Variants in DDR2 observed in about 807,000 individuals in gnomAD.
DDR2 encodes discoidin domain-containing receptor 2.
Under a neutral mutation model 94.9 loss-of-function variants are expected in DDR2, and 27 were observed. The ratio of observed to expected loss-of-function variants is 0.28; its 90% CI spans 0.21 to 0.39. The LOEUF (loss-of-function observed/expected upper bound fraction) is 0.39, where lower values mean the gene tolerates loss of function less well. Among genes scored for constraint, DDR2 ranks in the 10% least tolerant of loss-of-function variants. The pLI is 1.00. For synonymous variants in DDR2, 382 were observed against 377.2 expected (o/e 1.01, Z -0.15); for missense variants, 783 against 1,076.0 (o/e 0.73, Z 3.81).
At chr1:162,680,473 A>G (rs1400039635) in intron 2 of DDR2, among the ~76,000 whole-genome samples, 1 of 152,196 alleles carries the variant, frequency 6.6e-6, no homozygotes, top group East Asian at 1.9e-4. Flanking sequence ...TGGGCTCTCT[A>G]TTCAATTACA....
chr1:162,656,847 TTTATTTTTTTTG>T (rs1368479937), intron 2 of DDR2, among the ~76,000 whole-genome samples: 23 of 123,792 alleles, frequency 1.9e-4, no homozygotes, highest in African/African-American at 2.5e-4. Flanking sequence ...TTTTTTTTTT[TTTATTTTTTTTG>T]TTAACAGGGT....
Position 162,663,656 on chromosome 1 carries a change from C to T in DDR2, c.-28+8282C>T, listed in dbSNP as rs79994329. ...AGCAGGTGGGCGGTGAAGGAGGCTG[C>T]GGCAGAACCATGCCAAGCAGAATGG... On this transcript the variant is annotated intron_variant, in intron 2 of 17. Coordinates refer to ENST00000367921, the MANE Select transcript of DDR2 (RefSeq NM_006182.4). 3.7e-3 allele frequency among the ~76,000 whole-genome samples: 569 copies of T among 152,130 alleles called. 1 individual carries two copies. The highest frequency in any genetic ancestry group is 0.013 in the African/African-American group (526 of 41,496).
intron 3 of DDR2, among the ~76,000 whole-genome samples, chr1:162,739,550 G>A (rs1031174388): frequency 1.4e-4 from 21 of 152,090 alleles, no homozygotes; most frequent in African/African-American, 4.3e-4. Context: ...CAAGTGATCC[G>A]CCCACCTGGG....
chr1:162,733,382 G>A (rs1662151978), intron 3 of DDR2, among the ~76,000 whole-genome samples: 1 of 152,190 alleles, frequency 6.6e-6, no homozygotes, highest in African/African-American at 2.4e-5. Context: ...GAAGTGCCAC[G>A]TTGGTTGCCC....
chr1:162,751,917 G>A (rs1326996431), intron 3 of DDR2, among the ~76,000 whole-genome samples: 3 of 152,176 alleles, frequency 2.0e-5, no homozygotes, highest in Non-Finnish European at 4.4e-5. Context: ...AGCACCGCAT[G>A]TTCTCACTCA....
chr1:162,679,787 G>C (rs1659314694), intron 2 of DDR2, among the ~76,000 whole-genome samples: 1 of 151,606 alleles, frequency 6.6e-6, no homozygotes, highest in Admixed American at 6.6e-5. Flanking sequence ...TTTCAACCTT[G>C]CCAACATCTG....
At chr1:162,697,917 T>G (rs1175475439) in intron 2 of DDR2, among the ~76,000 whole-genome samples, 1 of 152,202 alleles carries the variant, frequency 6.6e-6, no homozygotes, top group East Asian at 1.9e-4. Context: ...GCTATACTGC[T>G]TGTTAGGGTT....
At chr1:162,683,293 C>G (rs1659502798) in intron 2 of DDR2, among the ~76,000 whole-genome samples, 1 of 152,074 alleles carries the variant, frequency 6.6e-6, no homozygotes, top group Non-Finnish European at 1.5e-5. Flanking sequence ...CTGCTCCTGC[C>G]ACTCCTATTC....
At chr1:162,719,515 G>T (rs1457548341) in intron 3 of DDR2, among the ~76,000 whole-genome samples, 1 of 152,020 alleles carries the variant, frequency 6.6e-6, no homozygotes. Flanking sequence ...GTTGTTTTGG[G>T]CTGTCTTAGA....
chr1:162,784,681 TTGTTGAGTTGC>T lies in DDR2; in HGVS notation c.*4439_*4449del, dbSNP rs1305271149. ...CTTGGTGCCAAAGAGCAGTGGGGAA[TTGTTGAGTTGC>T]TGTATCCTTTAAAAAAAAACAAAAA... is the stretch of plus-strand genomic sequence containing the variant. On this transcript the variant is annotated 3_prime_UTR_variant, in exon 18 of 18. Transcript: ENST00000367921. 6.6e-6 allele frequency: 1 copy of T among 152,150 alleles called. No homozygotes were observed. The highest frequency in any genetic ancestry group is 1.9e-4 in the East Asian group (1 of 5,196). The allele number at this position is 152,150 out of a possible 1,614,324, so 9.4% of individuals were successfully genotyped here.
At chr1:162,646,219 A>T (rs768339158) in intron 1 of DDR2, among the ~76,000 whole-genome samples, 1 of 152,202 alleles carries the variant, frequency 6.6e-6, no homozygotes, top group Non-Finnish European at 1.5e-5. Flanking sequence ...AAGACAGAAA[A>T]TTTTTTAAAT....
intron 3 of DDR2, among the ~76,000 whole-genome samples, chr1:162,739,622 G>C (rs113389753): frequency 0.02 from 3,033 of 152,138 alleles, 83 homozygotes; most frequent in African/African-American, 0.059. Flanking sequence ...TTTCTTTATC[G>C]AATCCACTAT....
At chr1:162,739,822 T>G (rs1051267237) in intron 3 of DDR2, among the ~76,000 whole-genome samples, 2 of 152,196 alleles carry the variant, frequency 1.3e-5, no homozygotes, top group African/African-American at 4.8e-5. Context: ...GTAAAATATG[T>G]GAGAAGAAGT....
rs2102181591 is a variant in DDR2, at chr1:162,770,488, T to A, written c.1480T>A (p.Phe494Ile). ...PSRLIRKLPE[F>I]APGEEESGCS... Reference sequence around the variant, plus strand: ...CAGGCTGATACGAAAACTCCCAGAATTTGCTCCAGGGGAGGAGGAGTCAGG... The same window carrying A: ...CAGGCTGATACGAAAACTCCCAGAAATTGCTCCAGGGGAGGAGGAGTCAGG... Residue 494 changes from phenylalanine (F) to isoleucine (I), a missense_variant, in exon 12 of 18, where the codon TTT becomes ATT. This residue lies in a region of DDR2 where 519 missense variants were observed against 647.9 expected (regional missense o/e 0.80). Coordinates refer to ENST00000367921, the MANE Select transcript of DDR2 (RefSeq NM_006182.4). 1 of 1,613,980 alleles carries A rather than the reference T, an allele frequency of 6.2e-7. No homozygotes were observed. The highest frequency in any genetic ancestry group is 8.5e-7 in the Non-Finnish European group (1 of 1,179,988).
chr1:162,747,320 C>A (rs1249160718), intron 3 of DDR2, among the ~76,000 whole-genome samples: 2 of 152,102 alleles, frequency 1.3e-5, no homozygotes, highest in East Asian at 1.9e-4. Flanking sequence ...GTAGAGAAGA[C>A]CTTAAGTGAC....
At chr1:162,730,774 C>T (rs566252303) in intron 3 of DDR2, among the ~76,000 whole-genome samples, 70 of 152,322 alleles carry the variant, frequency 4.6e-4, no homozygotes, top group Non-Finnish European at 9.4e-4. Flanking sequence ...CTCAAAAAAT[C>T]AGCTCAGCTC....
At chr1:162,654,384 T>C (rs1021518198) in intron 1 of DDR2, among the ~76,000 whole-genome samples, 1 of 152,082 alleles carries the variant, frequency 6.6e-6, no homozygotes, top group African/African-American at 2.4e-5. Context: ...GGTTCAAGGC[T>C]GTAGTGAGCT....
intron 2 of DDR2, among the ~76,000 whole-genome samples, chr1:162,705,356 A>G (rs1280578145): frequency 6.6e-6 from 1 of 152,140 alleles, no homozygotes; most frequent in Non-Finnish European, 1.5e-5. Flanking sequence ...TTCTCTCACC[A>G]TGTCGCTCTG....
chr1:162,717,702 T>A lies in DDR2; in HGVS notation c.-27-1335T>A, dbSNP rs528074497. On this transcript the variant is annotated intron_variant, in intron 2 of 17. Coordinates refer to ENST00000367921, the MANE Select transcript of DDR2 (RefSeq NM_006182.4). ...ACTGAGACTTTTCTGGTGATTTTTT[T>A]ATAAGTAGACTGAGGTAATAGGTTT... Among the ~76,000 whole-genome samples the A allele has an allele frequency of 3.9e-5, 6 of 152,312 alleles. No individual in the cohort carries two copies. The East Asian group carries it at 9.6e-4, about 24-fold the overall frequency.
Sources: gnomAD v4.1 joint callset for allele counts (sites outside exome capture counted in the v4.1 genomes callset) on GRCh38, gnomAD v4.1.1 for gene constraint, gnomAD v4.1.1 regional missense constraint, MANE v1.5 for transcripts, NCBI Gene and HGNC (gene_info 2026-07-23, HGNC 2026-07-21) for gene names.